The following MYO1H variants were observed in gnomAD, a reference collection of about 807,000 sequenced individuals.
The protein encoded by MYO1H is myosin IH, also known as unconventional myosin-Ih.
MYO1H carries 118 observed loss-of-function variants against 149.3 expected under a neutral mutation model. The ratio of observed to expected loss-of-function variants is 0.79; its 90% CI spans 0.68 to 0.92. MYO1H has a LOEUF of 0.92. Ranked by LOEUF, MYO1H falls within the 40% of genes least tolerant of loss-of-function variation. The pLI is 0.00. For synonymous variants in MYO1H, 447 were observed against 465.2 expected (o/e 0.96, Z 0.50); for missense variants, 1,212 against 1,280.7 (o/e 0.95, Z 0.82).
At chr12:109,383,092 A>G (rs1418526613) in intron 1 of MYO1H, among the ~76,000 whole-genome samples, 1 of 152,034 alleles carries the variant, frequency 6.6e-6, no homozygotes, top group Non-Finnish European at 1.5e-5. Flanking sequence ...AACCTCTCCC[A>G]TGTTTCTGTG....
In MYO1H at chr12:109,358,689, G is replaced by A. The variant is rs144249398; in HGVS notation, c.12+10717G>A. Among the ~76,000 whole-genome samples the A allele has an allele frequency of 9.2e-5, 14 of 152,156 alleles. No homozygotes were observed. In the East Asian group the frequency reaches 2.3e-3, roughly 25 times the overall value. On this transcript the variant is annotated intron_variant, in intron 1 of 31. Transcript: ENST00000310903. ...TGCATTCTGCAAGCATCACGAGATA[G>A]TGTGTTCTCTGCAGTATGCAGAGTA...
chr12:109,378,989 T>C (rs1283917896), intron 1 of MYO1H, among the ~76,000 whole-genome samples: 2 of 152,248 alleles, frequency 1.3e-5, no homozygotes, highest in African/African-American at 4.8e-5. Flanking sequence ...TTGTTTAATG[T>C]CTTTTCCATT....
At chr12:109,410,488 A>G (rs1870618105) in intron 12 of MYO1H, among the ~76,000 whole-genome samples, 200 bp from the exon 13 acceptor site, 1 of 152,194 alleles carries the variant, frequency 6.6e-6, no homozygotes, top group African/African-American at 2.4e-5. Flanking sequence ...GATATTCCTG[A>G]TTAGTACTGA....
intron 31 of MYO1H, chr12:109,446,043 CGTAAGAAAAATAT>C: frequency 6.1e-6 from 6 of 984,928 alleles, no homozygotes; most frequent in Non-Finnish European, 7.2e-6. Flanking sequence ...AAAATATAAA[CGTAAGAAAAATAT>C]GTAAGAAAGA....
rs112716153 is a variant in MYO1H, at chr12:109,366,541, C to T, written c.12+18569C>T. On this transcript the variant is annotated intron_variant, in intron 1 of 31. Transcript: ENST00000310903. ...TTCACGGTTTAAGAGGACAAGAAAC[C>T]GTACTCAGGTGCCTCTTTCTGAACT... Among the ~76,000 whole-genome samples, 372 of 152,266 alleles carry T rather than the reference C, an allele frequency of 2.4e-3. 1 individual carries two copies. The highest frequency in any genetic ancestry group is 8.4e-3 in the African/African-American group (349 of 41,552).
intron 1 of MYO1H, among the ~76,000 whole-genome samples, chr12:109,379,255 AT>A (rs746127552): frequency 1.4e-4 from 21 of 152,370 alleles, no homozygotes; most frequent in East Asian, 1.3e-3. Context: ...GTTAGATCAG[AT>A]TCAGCTCTGT....
At chr12:109,417,687 G>A (rs1422282692) in intron 15 of MYO1H, among the ~76,000 whole-genome samples, 1 of 152,134 alleles carries the variant, frequency 6.6e-6, no homozygotes, top group African/African-American at 2.4e-5. Flanking sequence ...TTGTGCTTTT[G>A]ATTTGCATTT....
chr12:109,400,180 T>A lies in MYO1H; in HGVS notation c.571-913T>A, dbSNP rs537643252. ...CACAACTTATCTGTTCTACTTTTGA[T>A]GGACATTTGGGCTGTTTGCAATTTA... On this transcript the variant is annotated intron_variant, in intron 5 of 31. Coordinates refer to ENST00000310903, the Ensembl canonical transcript of MYO1H. Among the ~76,000 whole-genome samples, 5 of 152,372 alleles carry A rather than the reference T, an allele frequency of 3.3e-5. No homozygotes were observed. The South Asian group carries it at 1.0e-3, about 32-fold the overall frequency.
chr12:109,388,240 T>TA lies in MYO1H; in HGVS notation c.13-435dup, dbSNP rs977835253. 2.3e-4 allele frequency among the ~76,000 whole-genome samples: 34 copies of TA among 150,240 alleles called. 1 individual carries two copies. In the South Asian group the frequency reaches 3.1e-3, roughly 14 times the overall value. The stretch of plus-strand genomic sequence containing the variant: ...AATCAACATAAAGGAAACATTAATT[T>TA]AAAAAAAACATTTATTGAGTCCATG... On this transcript the variant is annotated intron_variant, in intron 1 of 31. Coordinates refer to ENST00000310903, the Ensembl canonical transcript of MYO1H.
Position 109,401,084 on chromosome 12 carries a change from G to C in MYO1H, c.571-9G>C, listed in dbSNP as rs377440796. The C allele has an allele frequency of 6.2e-7, 1 of 1,612,652 alleles. No homozygotes were observed. Among genetic ancestry groups the C allele is most frequent in the Admixed American group, 1.7e-5 (1 of 59,962 alleles). ...TTGTCACTGCTGCAATTTTTGTTCT[G>C]TTTTGAAGGGCATTCCCGTAGGTGG... is the stretch of plus-strand genomic sequence containing the variant. On this transcript the variant is annotated splice_polypyrimidine_tract_variant and intron_variant, in intron 5 of 31. Transcript: ENST00000310903.
At chr12:109,342,596 G>A in the MYO1H span, among the ~76,000 whole-genome samples, 1 of 141,882 alleles carries the variant, frequency 7.0e-6, no homozygotes, top group East Asian at 2.1e-4. Flanking sequence ...AGGCTGGAGT[G>A]CAGTGGTGTG....
intron 1 of MYO1H, among the ~76,000 whole-genome samples, chr12:109,368,523 G>A (rs1486185561): frequency 6.6e-6 from 1 of 151,504 alleles, no homozygotes; most frequent in Admixed American, 6.6e-5. Flanking sequence ...AGGTGCAGTG[G>A]CACACACCTT....
At chr12:109,381,062 A>C (rs1282122756) in intron 1 of MYO1H, among the ~76,000 whole-genome samples, 1 of 152,196 alleles carries the variant, frequency 6.6e-6, no homozygotes, top group Non-Finnish European at 1.5e-5. Context: ...AAAGGTCTAG[A>C]AACAATGATT....
chr12:109,393,270 C>G (rs770740920), intron 2 of MYO1H, 61 bp from the exon 3 acceptor site: 19 of 978,612 alleles, frequency 1.9e-5, no homozygotes, highest in Non-Finnish European at 3.0e-5. Context: ...TGGGGATCAT[C>G]ATGTGTGACA....
chr12:109,343,873 A>G (rs1335460734), upstream of MYO1H, among the ~76,000 whole-genome samples: 1 of 152,152 alleles, frequency 6.6e-6, no homozygotes, highest in African/African-American at 2.4e-5. Context: ...CACAATGTAC[A>G]AGGCATTGCA....
At chr12:109,332,652 A>T in the MYO1H span, among the ~76,000 whole-genome samples, 4 of 152,240 alleles carry the variant, frequency 2.6e-5, no homozygotes, top group Non-Finnish European at 4.4e-5. Context: ...ATCCTAGCAC[A>T]CTGCAGCCTC....
chr12:109,310,609 CTG>C, the MYO1H span, among the ~76,000 whole-genome samples: 1 of 140,098 alleles, frequency 7.1e-6, no homozygotes, highest in Non-Finnish European at 1.6e-5. Flanking sequence ...GCACCTGTGA[CTG>C]TTTTTTTTTT....
At chr12:109,315,445 A>T in the MYO1H span, among the ~76,000 whole-genome samples, 3 of 152,012 alleles carry the variant, frequency 2.0e-5, no homozygotes, top group African/African-American at 4.8e-5. Context: ...GTGATTTTCT[A>T]TTTTTTCAAA....
At chr12:109,364,919 C>G (rs2137009252) in intron 1 of MYO1H, among the ~76,000 whole-genome samples, 1 of 152,260 alleles carries the variant, frequency 6.6e-6, no homozygotes, top group South Asian at 2.1e-4. Flanking sequence ...ATGGTAATAA[C>G]TTGGTACTGC....
Sources: gnomAD v4.1 joint callset for allele counts (sites outside exome capture counted in the v4.1 genomes callset) on GRCh38, gnomAD v4.1.1 for gene constraint, MANE v1.5 for transcripts, NCBI Gene and HGNC (gene_info 2026-07-23, HGNC 2026-07-21) for gene names.